SLC71A2: variants seen among roughly 807,000 people sequenced by gnomAD.
The protein encoded by SLC71A2 is hippocampus abundant transcript-like 1.
chr9:94,414,806 C>T, the SLC71A2 span, among the ~76,000 whole-genome samples: 1 of 152,104 alleles, frequency 6.6e-6, no homozygotes, highest in Admixed American at 6.6e-5. Flanking sequence ...ACCAAGTAGC[C>T]TGCCACCATG....
chr9:94,411,067 T>C, the SLC71A2 span, among the ~76,000 whole-genome samples: 64 of 150,382 alleles, frequency 4.3e-4, no homozygotes, highest in African/African-American at 1.4e-3. Context: ...AAAATTATTA[T>C]GCAGTCTTAG....
the SLC71A2 span, among the ~76,000 whole-genome samples, chr9:94,403,131 C>CTACTT: frequency 6.6e-6 from 1 of 152,072 alleles, no homozygotes; most frequent in Admixed American, 6.6e-5. Context: ...TTGTGACTGG[C>CTACTT]TCCTTTCCTT....
the SLC71A2 span, among the ~76,000 whole-genome samples, chr9:94,440,103 G>A: frequency 1.3e-5 from 2 of 151,920 alleles, no homozygotes; most frequent in African/African-American, 4.8e-5. Context: ...AAGAGTACAT[G>A]TCAGATTTTA....
At chr9:94,453,714 A>G in the SLC71A2 span, among the ~76,000 whole-genome samples, 1 of 152,190 alleles carries the variant, frequency 6.6e-6, no homozygotes, top group Non-Finnish European at 1.5e-5. Flanking sequence ...GTGCCAGCAG[A>G]GCACCAGGTA....
chr9:94,387,590 T>C, the SLC71A2 span, among the ~76,000 whole-genome samples: 1 of 152,236 alleles, frequency 6.6e-6, no homozygotes, highest in Non-Finnish European at 1.5e-5. Flanking sequence ...ATAAATTGAC[T>C]TGCTGAAAGT....
At chr9:94,379,987 G>C in the SLC71A2 span, among the ~76,000 whole-genome samples, 1 of 152,186 alleles carries the variant, frequency 6.6e-6, no homozygotes, top group Non-Finnish European at 1.5e-5. Context: ...CTCAGTTTCA[G>C]CTGGACGCGG....
At chr9:94,435,376 G>T in the SLC71A2 span, among the ~76,000 whole-genome samples, 1 of 152,174 alleles carries the variant, frequency 6.6e-6, no homozygotes, top group African/African-American at 2.4e-5. Context: ...AACTGTCCTT[G>T]TTCCTTGCTA....
the SLC71A2 span, chr9:94,451,398 A>G: frequency 1.5e-5 from 13 of 851,938 alleles, no homozygotes; most frequent in African/African-American, 1.4e-4. Flanking sequence ...AGAACATAAT[A>G]TTTCTTATTA....
chr9:94,448,335 T>C, the SLC71A2 span, among the ~76,000 whole-genome samples: 1 of 151,820 alleles, frequency 6.6e-6, no homozygotes, highest in African/African-American at 2.4e-5. Flanking sequence ...AAACAGATAA[T>C]TGACTTAAAG....
chr9:94,458,473 G>C, the SLC71A2 span: 9 of 1,613,108 alleles, frequency 5.6e-6, no homozygotes, highest in Non-Finnish European at 7.6e-6. Flanking sequence ...AGGTAATTTG[G>C]TCATAAGTCT....
At chr9:94,404,563 T>G in the SLC71A2 span, among the ~76,000 whole-genome samples, 1 of 152,324 alleles carries the variant, frequency 6.6e-6, no homozygotes, top group East Asian at 1.9e-4. Context: ...CCCAAAGTGC[T>G]GGGATTACAT....
At chr9:94,397,841 C>T in the SLC71A2 span, among the ~76,000 whole-genome samples, 1 of 152,202 alleles carries the variant, frequency 6.6e-6, no homozygotes, top group African/African-American at 2.4e-5. Flanking sequence ...TATATCATAT[C>T]AACAGTATGT....
At chr9:94,447,087 C>T in the SLC71A2 span, 2 of 532,758 alleles carry the variant, frequency 3.8e-6, no homozygotes, top group Non-Finnish European at 6.7e-6. Context: ...AATTAGTAAA[C>T]AGGGCACCTT....
chr9:94,457,605 G>A, the SLC71A2 span, among the ~76,000 whole-genome samples: 1 of 152,186 alleles, frequency 6.6e-6, no homozygotes, highest in Admixed American at 6.5e-5. Context: ...AAGTGAAGAT[G>A]TGATGACCCA....
At chr9:94,422,229 G>C in the SLC71A2 span, among the ~76,000 whole-genome samples, 1 of 152,168 alleles carries the variant, frequency 6.6e-6, no homozygotes, top group Admixed American at 6.5e-5. Context: ...CACTGGGAGA[G>C]GACTCTTAGA....
At chr9:94,415,840 C>T in the SLC71A2 span, among the ~76,000 whole-genome samples, 2 of 152,146 alleles carry the variant, frequency 1.3e-5, no homozygotes, top group Non-Finnish European at 1.5e-5. Flanking sequence ...TAACAGGCCA[C>T]GGACTCATAG....
At chr9:94,426,578 A>G in the SLC71A2 span, among the ~76,000 whole-genome samples, 1 of 151,966 alleles carries the variant, frequency 6.6e-6, no homozygotes, top group Non-Finnish European at 1.5e-5. Context: ...TTTTTCTGTT[A>G]TATCTGTGGA....
chr9:94,378,949 G>T, the SLC71A2 span, among the ~76,000 whole-genome samples: 1 of 149,930 alleles, frequency 6.7e-6, no homozygotes, highest in South Asian at 2.2e-4. Flanking sequence ...TTGATTTTTA[G>T]TTCTGTCAGT....
At chr9:94,450,041 G>A in the SLC71A2 span, among the ~76,000 whole-genome samples, 2 of 152,272 alleles carry the variant, frequency 1.3e-5, no homozygotes, top group African/African-American at 2.4e-5. Flanking sequence ...GTAGACTAAC[G>A]GTTGGGGGAT....
Sources: gnomAD v4.1 joint callset for allele counts (sites outside exome capture counted in the v4.1 genomes callset) on GRCh38, gnomAD v4.1.1 for gene constraint, MANE v1.5 for transcripts, NCBI Gene and HGNC (gene_info 2026-07-23, HGNC 2026-07-21) for gene names.